Variants in IL1RAPL2 observed in about 807,000 individuals in gnomAD.
IL1RAPL2 encodes X-linked interleukin-1 receptor accessory protein-like 2.
Under a neutral mutation model 44.1 loss-of-function variants are expected in IL1RAPL2, and 3 were observed. The observed-to-expected ratio is 0.07, with a 90% confidence interval of 0.03 to 0.18. IL1RAPL2 has a LOEUF of 0.18. Among genes scored for constraint, IL1RAPL2 ranks in the 10% least tolerant of loss-of-function variants. The pLI is 1.00. For missense variants in IL1RAPL2, 391 were observed against 496.4 expected (o/e 0.79, Z 2.02); for synonymous variants, 181 against 178.8 (o/e 1.01, Z -0.10).
chrX:105,078,781 C>G, intron 2 of IL1RAPL2, among the ~76,000 whole-genome samples: 1 of 112,454 alleles, frequency 8.9e-6, no homozygotes, highest in Non-Finnish European at 1.9e-5. Flanking sequence ...TGATCTCAGA[C>G]TGCTGTGCTA....
chrX:105,393,074 A>T (rs998073561), intron 5 of IL1RAPL2, among the ~76,000 whole-genome samples: 1 of 112,724 alleles, frequency 8.9e-6, no homozygotes, highest in African/African-American at 3.2e-5. Flanking sequence ...AGAAAGTTTA[A>T]TTGACACAAG....
intron 2 of IL1RAPL2, among the ~76,000 whole-genome samples, chrX:104,982,123 C>T (rs1303244714): frequency 1.8e-5 from 2 of 110,962 alleles, no homozygotes; most frequent in Admixed American, 9.6e-5. Flanking sequence ...GAAGCCTGCA[C>T]ATGTACCCCA....
At chrX:105,429,744 A>T (rs2035835153) in intron 5 of IL1RAPL2, among the ~76,000 whole-genome samples, 1 of 111,853 alleles carries the variant, frequency 8.9e-6, no homozygotes, top group Non-Finnish European at 1.9e-5. Context: ...ACAATAGACA[A>T]TATGTAAACG....
chrX:104,914,271 C>A (rs1324058410), intron 2 of IL1RAPL2, among the ~76,000 whole-genome samples: 3 of 111,544 alleles, frequency 2.7e-5, no homozygotes, highest in Admixed American at 9.5e-5. Flanking sequence ...TACTTAGGAG[C>A]AGGTTTGGTT....
In IL1RAPL2 at chrX:105,164,412, A is replaced by C. The variant is rs956418837; in HGVS notation, c.83-31063A>C. Reference sequence around the variant, plus strand: ...CTGGGTAACCCTTCAGTCTCAAGGAAACTGGAACAAGTTGGTTACCCCAGG... The same window carrying C: ...CTGGGTAACCCTTCAGTCTCAAGGACACTGGAACAAGTTGGTTACCCCAGG... On this transcript the variant is annotated intron_variant, in intron 2 of 10. Coordinates refer to ENST00000372582, the MANE Select transcript of IL1RAPL2 (RefSeq NM_017416.2). Among the ~76,000 whole-genome samples the C allele has an allele frequency of 2.7e-5, 3 of 112,155 alleles. No homozygotes were observed. In the East Asian group the frequency reaches 8.4e-4, roughly 31 times the overall value.
At chrX:105,193,969 G>C (rs2033653925) in intron 2 of IL1RAPL2, among the ~76,000 whole-genome samples, 2 of 111,500 alleles carry the variant, frequency 1.8e-5, no homozygotes, top group South Asian at 7.6e-4. Flanking sequence ...CAGAGAGAGA[G>C]ATCAGAAACC....
In IL1RAPL2 at chrX:104,681,427, C is replaced by G. The variant is rs16985103; in HGVS notation, c.82+22432C>G. Among the ~76,000 whole-genome samples the G allele has an allele frequency of 6.6e-3, 732 of 111,520 alleles. 13 individuals carry two copies. Among genetic ancestry groups the G allele is most frequent in the African/African-American group, 0.023 (697 of 30,731 alleles). On this transcript the variant is annotated intron_variant, in intron 2 of 10. Coordinates refer to ENST00000372582, the MANE Select transcript of IL1RAPL2 (RefSeq NM_017416.2). ...CTTGGACTCTGCTGTGGGAAGAATG[C>G]AAATCATAGCCACTCTGAACAACGT...
intron 2 of IL1RAPL2, among the ~76,000 whole-genome samples, chrX:105,190,326 G>T (rs1235062723): frequency 8.9e-6 from 1 of 112,216 alleles, no homozygotes; most frequent in Admixed American, 9.4e-5. Context: ...ATCCCCATAG[G>T]TGTGCTGTGA....
At position 105,268,419 on chromosome X, in the gene IL1RAPL2, T is replaced by C. The variant is rs189226880; in HGVS notation, c.697+878T>C. On this transcript the variant is annotated intron_variant, in intron 5 of 10. Transcript: ENST00000372582. ...AAAGGTGCATACAAAGTTGCAGTTA[T>C]ATAGGATGAATAAGTCTAGTGATTT... Among the ~76,000 whole-genome samples the C allele has an allele frequency of 2.7e-3, 299 of 110,899 alleles. 1 individual carries two copies. Among genetic ancestry groups the C allele is most frequent in the African/African-American group, 9.2e-3 (280 of 30,590 alleles).
chrX:105,561,525 G>T (rs201500745), intron 6 of IL1RAPL2, among the ~76,000 whole-genome samples: 2 of 111,903 alleles, frequency 1.8e-5, no homozygotes, highest in East Asian at 5.7e-4. Context: ...GTCACAGCTG[G>T]TAGTTATCAA....
At chrX:105,619,899 G>A (rs2037407590) in intron 6 of IL1RAPL2, among the ~76,000 whole-genome samples, 1 of 110,437 alleles carries the variant, frequency 9.1e-6, no homozygotes, top group African/African-American at 3.3e-5. Context: ...ATTTAAAGGA[G>A]ATAGGTAGAT....
intron 2 of IL1RAPL2, among the ~76,000 whole-genome samples, chrX:105,077,233 G>T (rs2032321419): frequency 9.0e-6 from 1 of 111,557 alleles, no homozygotes; most frequent in African/African-American, 3.3e-5. Context: ...TTTTAGGGCA[G>T]GCCTGGTGGT....
At chrX:105,652,186 A>G (rs2037646663) in intron 6 of IL1RAPL2, among the ~76,000 whole-genome samples, 1 of 111,805 alleles carries the variant, frequency 8.9e-6, no homozygotes, top group South Asian at 3.7e-4. Flanking sequence ...TAGGTATGTT[A>G]TATGCCTGTC....
rs184011973 is a variant in IL1RAPL2 at position 105,343,242 on chromosome X, T to G, written c.697+75701T>G. Among the ~76,000 whole-genome samples the G allele has an allele frequency of 1.2e-3, 133 of 112,134 alleles. 1 individual carries two copies. The highest frequency in any genetic ancestry group is 4.2e-3 in the African/African-American group (130 of 30,940). Reference sequence around the variant, plus strand: ...GTAGGTAATATGTTCTTTGCAGTATTTCTTTATTTTATGTCTTTTAAATGA... The same window carrying G: ...GTAGGTAATATGTTCTTTGCAGTATGTCTTTATTTTATGTCTTTTAAATGA... On this transcript the variant is annotated intron_variant, in intron 5 of 10. Transcript: ENST00000372582.
intron 2 of IL1RAPL2, among the ~76,000 whole-genome samples, chrX:104,700,075 A>G (rs1931250128): frequency 8.9e-6 from 1 of 112,133 alleles, no homozygotes; most frequent in African/African-American, 3.2e-5. Flanking sequence ...AGTACTCATG[A>G]CAAGAGGATA....
chrX:105,765,691 A>G (rs1436742845), intron 10 of IL1RAPL2, among the ~76,000 whole-genome samples: 1 of 112,720 alleles, frequency 8.9e-6, no homozygotes, highest in Non-Finnish European at 1.9e-5. Context: ...TTCACTTGTA[A>G]AAGTTTTCTT....
intron 2 of IL1RAPL2, among the ~76,000 whole-genome samples, chrX:104,845,204 CA>C (rs1922019216): frequency 8.9e-6 from 1 of 111,935 alleles, no homozygotes; most frequent in Non-Finnish European, 1.9e-5. Context: ...GATAGCCAGT[CA>C]AACCCAAAGT....
chrX:105,043,504 T>C lies in IL1RAPL2; in HGVS notation c.83-151971T>C, dbSNP rs187065490. 3.9e-4 allele frequency among the ~76,000 whole-genome samples: 43 copies of C among 109,537 alleles called. 1 individual carries two copies. The highest frequency in any genetic ancestry group is 1.2e-3 in the African/African-American group (37 of 30,119). Reference sequence around the variant, plus strand: ...CTATTCCTCCTGTTTCACTACCTTCTTATGGCTCTACTGAAATAAGTCCCT... The same window carrying C: ...CTATTCCTCCTGTTTCACTACCTTCCTATGGCTCTACTGAAATAAGTCCCT... On this transcript the variant is annotated intron_variant, in intron 2 of 10. Transcript: ENST00000372582.
intron 2 of IL1RAPL2, among the ~76,000 whole-genome samples, chrX:104,871,336 G>T (rs895983022): frequency 4.1e-4 from 46 of 111,460 alleles, no homozygotes; most frequent in Non-Finnish European, 5.5e-4. Context: ...CCTTTCCATT[G>T]TTCCAAATGA....
Sources: gnomAD v4.1 joint callset for allele counts (sites outside exome capture counted in the v4.1 genomes callset) on GRCh38, gnomAD v4.1.1 for gene constraint, MANE v1.5 for transcripts, NCBI Gene and HGNC (gene_info 2026-07-23, HGNC 2026-07-21) for gene names.